Variants in CDH13 observed in about 807,000 individuals in gnomAD.
The protein encoded by CDH13 is cadherin-13.
In CDH13, 24 loss-of-function variants were observed where a neutral mutation model predicts 63.8. The observed-to-expected ratio is 0.38, with a 90% CI of 0.27 to 0.53. The LOEUF (loss-of-function observed/expected upper bound fraction) is 0.53, where lower values mean the gene tolerates loss of function less well. Among genes scored for constraint, CDH13 ranks in the 20% least tolerant of loss-of-function variants. The pLI is 0.85. For synonymous variants in CDH13, 503 were observed against 355.3 expected (o/e 1.42, Z -4.67); for missense variants, 1,049 against 903.1 (o/e 1.16, Z -2.07).
At chr16:83,021,137 G>A (rs909537697) in intron 2 of CDH13, among the ~76,000 whole-genome samples, 5 of 152,012 alleles carry the variant, frequency 3.3e-5, no homozygotes, top group Admixed American at 2.0e-4. Flanking sequence ...TTTTTCTTTC[G>A]CTTAATGGGT....
intron 8 of CDH13, among the ~76,000 whole-genome samples, chr16:83,610,475 C>A (rs1908756900): frequency 6.6e-6 from 1 of 152,190 alleles, no homozygotes; most frequent in South Asian, 2.1e-4. Context: ...TGATCAGCAA[C>A]TCAAAAGCTT....
chr16:82,785,619 T>C (rs915357663), intron 1 of CDH13, among the ~76,000 whole-genome samples: 2 of 152,224 alleles, frequency 1.3e-5, no homozygotes, highest in Non-Finnish European at 2.9e-5. Context: ...TCTACAATCT[T>C]GTATTCCATT....
intron 2 of CDH13, among the ~76,000 whole-genome samples, chr16:82,898,799 G>T (rs1321888960): frequency 6.6e-6 from 1 of 152,196 alleles, no homozygotes; most frequent in Non-Finnish European, 1.5e-5. Flanking sequence ...GTTATTTGGG[G>T]CTGGAATTCT....
chr16:83,769,762 C>T lies in CDH13; in HGVS notation c.1682-10206C>T, dbSNP rs141197461. On this transcript the variant is annotated intron_variant, in intron 11 of 13. Coordinates refer to ENST00000567109, the MANE Select transcript of CDH13 (RefSeq NM_001257.5). ...TTGATCTGCAAATTGACTGTCAATT[C>T]TGGAGAAGAGATCACTGGGGCACGT... Among the ~76,000 whole-genome samples, 879 of 152,190 alleles carry T rather than the reference C, an allele frequency of 5.8e-3. 7 individuals carry two copies. Among genetic ancestry groups the T allele is most frequent in the South Asian group, 0.015 (72 of 4,802 alleles).
chr16:82,772,016 T>C (rs1288091230), intron 1 of CDH13, among the ~76,000 whole-genome samples: 1 of 152,234 alleles, frequency 6.6e-6, no homozygotes, highest in Non-Finnish European at 1.5e-5. Context: ...CTGTACTTCA[T>C]GTGTTACAGA....
At chr16:83,247,045 T>C (rs1266117013) in intron 5 of CDH13, among the ~76,000 whole-genome samples, 1 of 152,124 alleles carries the variant, frequency 6.6e-6, no homozygotes, top group African/African-American at 2.4e-5. Context: ...TAGGTGATGG[T>C]GAGAATGGAT....
intron 1 of CDH13, among the ~76,000 whole-genome samples, chr16:82,757,637 C>G (rs1350991584): frequency 1.1e-5 from 1 of 93,292 alleles, no homozygotes; most frequent in African/African-American, 2.9e-5. Flanking sequence ...AACGCCATAG[C>G]TTTTTTTTTG....
intron 2 of CDH13, among the ~76,000 whole-genome samples, chr16:82,930,388 C>T (rs1338973902): frequency 6.6e-6 from 1 of 152,060 alleles, no homozygotes. Flanking sequence ...AGAGATGCAC[C>T]AGGTACTTTT....
chr16:82,877,439 G>T (rs897939334), intron 2 of CDH13, among the ~76,000 whole-genome samples: 3 of 152,278 alleles, frequency 2.0e-5, no homozygotes, highest in African/African-American at 4.8e-5. Context: ...GATCTCAGTT[G>T]TTGGTCTTAA....
At chr16:83,657,785 T>C (rs1214293483) in intron 8 of CDH13, among the ~76,000 whole-genome samples, 1 of 152,182 alleles carries the variant, frequency 6.6e-6, no homozygotes, top group Non-Finnish European at 1.5e-5. Context: ...CAACATTCCC[T>C]GCCAGTGGCA....
chr16:83,666,131 A>G (rs762377263), intron 8 of CDH13, among the ~76,000 whole-genome samples: 3 of 152,258 alleles, frequency 2.0e-5, no homozygotes, highest in Non-Finnish European at 2.9e-5. Context: ...TAGTAATAGT[A>G]CAATCAATAA....
chr16:83,035,735 G>C lies in CDH13; in HGVS notation c.366+3517G>C, dbSNP rs1916788605. Among the ~76,000 whole-genome samples the C allele has an allele frequency of 2.0e-5, 3 of 152,126 alleles. No homozygotes were observed. The South Asian group carries it at 6.2e-4, about 32-fold the overall frequency. ...TGTCTTCATGGTGTTTCTCTTCTAAGCTGTGTTACCTTCAGTCAATTGCTT... is the reference window on the plus strand; with the variant it reads ...TGTCTTCATGGTGTTTCTCTTCTAACCTGTGTTACCTTCAGTCAATTGCTT... On this transcript the variant is annotated intron_variant, in intron 3 of 13. Coordinates refer to ENST00000567109, the MANE Select transcript of CDH13 (RefSeq NM_001257.5).
At chr16:82,931,746 C>A (rs1164677678) in intron 2 of CDH13, among the ~76,000 whole-genome samples, 2 of 151,984 alleles carry the variant, frequency 1.3e-5, no homozygotes, top group Non-Finnish European at 2.9e-5. Context: ...AAGGAGGAAC[C>A]CCTTATAGAA....
At chr16:83,078,773 T>G (rs2033029541) in intron 3 of CDH13, among the ~76,000 whole-genome samples, 1 of 152,154 alleles carries the variant, frequency 6.6e-6, no homozygotes, top group Non-Finnish European at 1.5e-5. Flanking sequence ...CCTCCAGTTT[T>G]TTGTTTGTTT....
At chr16:83,475,677 G>C (rs2073584613) in intron 6 of CDH13, among the ~76,000 whole-genome samples, 1 of 152,090 alleles carries the variant, frequency 6.6e-6, no homozygotes, top group Admixed American at 6.6e-5. Context: ...CGCCTCTCGT[G>C]TTCAAGCAGT....
At chr16:82,870,124 A>G (rs185265760) in intron 2 of CDH13, among the ~76,000 whole-genome samples, 348 of 151,698 alleles carry the variant, frequency 2.3e-3, no homozygotes, top group African/African-American at 8.2e-3. Context: ...AAACAACTCA[A>G]TAGAAAAAAA....
chr16:83,006,853 A>G (rs575314164), intron 2 of CDH13, among the ~76,000 whole-genome samples: 3 of 152,306 alleles, frequency 2.0e-5, no homozygotes, highest in African/African-American at 7.2e-5. Context: ...GTAATTTGCC[A>G]CTAAAATTTT....
intron 1 of CDH13, among the ~76,000 whole-genome samples, chr16:82,634,129 A>G (rs1012939545): frequency 6.6e-6 from 1 of 152,206 alleles, no homozygotes; most frequent in Non-Finnish European, 1.5e-5. Context: ...GCTGGGGCGG[A>G]GGGCAGCAGC....
intron 11 of CDH13, among the ~76,000 whole-genome samples, chr16:83,748,661 T>C (rs1912813157): frequency 6.6e-6 from 1 of 152,236 alleles, no homozygotes; most frequent in Non-Finnish European, 1.5e-5. Context: ...GCTTTTATCC[T>C]ATTATGACAC....
Sources: gnomAD v4.1 joint callset for allele counts (sites outside exome capture counted in the v4.1 genomes callset) on GRCh38, gnomAD v4.1.1 for gene constraint, MANE v1.5 for transcripts, NCBI Gene and HGNC (gene_info 2026-07-23, HGNC 2026-07-21) for gene names.